INPP4B: variants seen among roughly 807,000 people sequenced by gnomAD.
INPP4B encodes the protein inositol polyphosphate-4-phosphatase type II B.
Under a neutral mutation model 122.5 loss-of-function variants are expected in INPP4B, and 55 were observed. The observed-to-expected ratio is 0.45, with a 90% CI of 0.36 to 0.56. The LOEUF is 0.56. Among genes scored for constraint, INPP4B ranks in the 20% least tolerant of loss-of-function variants. INPP4B has a pLI of 0.00. For synonymous variants in INPP4B, 403 were observed against 388.7 expected, an observed-to-expected ratio of 1.04 and a Z score of -0.43; for missense variants, 1,000 against 1,097.7, an observed-to-expected ratio of 0.91 and a Z score of 1.26.
At chr4:142,179,425 A>G (rs978559800) in intron 15 of INPP4B, among the ~76,000 whole-genome samples, 1 of 144,232 alleles carries the variant, frequency 6.9e-6, no homozygotes, top group African/African-American at 2.6e-5. Flanking sequence ...GTGAGCCAAG[A>G]TCGCCCCACT....
intron 5 of INPP4B, among the ~76,000 whole-genome samples, chr4:142,415,253 G>A (rs966259131): frequency 6.6e-6 from 1 of 152,156 alleles, no homozygotes; most frequent in Non-Finnish European, 1.5e-5. Flanking sequence ...GATGAGGCCA[G>A]TGTAGCTGGT....
chr4:142,463,570 G>A (rs1411284416), intron 2 of INPP4B, among the ~76,000 whole-genome samples: 1 of 152,072 alleles, frequency 6.6e-6, no homozygotes, highest in East Asian at 1.9e-4. Context: ...CAGCTTTTCT[G>A]TATCTTAGAT....
At chr4:142,253,495 G>A (rs1392024117) in intron 11 of INPP4B, among the ~76,000 whole-genome samples, 8 of 152,084 alleles carry the variant, frequency 5.3e-5, no homozygotes, top group Admixed American at 2.0e-4. Flanking sequence ...CAGTGGGTGC[G>A]CGCACCATGT....
chr4:142,071,568 A>C lies in INPP4B; in HGVS notation c.2642+10463T>G, dbSNP rs192518441. 5.4e-4 allele frequency among the ~76,000 whole-genome samples: 82 copies of C among 152,316 alleles called. No homozygotes were observed. The East Asian group carries it at 9.9e-3, about 18-fold the overall frequency. On this transcript the variant is annotated intron_variant, in intron 25 of 25. Coordinates refer to ENST00000262992, the MANE Select transcript of INPP4B (RefSeq NM_001101669.3). ...ACAGGCAACCTACAGAATGGGAGAA[A>C]ATTTTTACAATCTACCCATCTGACA...
intron 25 of INPP4B, among the ~76,000 whole-genome samples, chr4:142,049,730 T>TA (rs1353839698): frequency 6.6e-6 from 1 of 151,972 alleles, no homozygotes; most frequent in Non-Finnish European, 1.5e-5. Context: ...ATATAAGAAA[T>TA]AAAACTAACC....
Position 142,028,901 on chromosome 4 carries a change from T to C in INPP4B, c.2656A>G (p.Ile886Val), listed in dbSNP as rs868236039. Residue 886 changes from isoleucine to valine, a missense_variant, in exon 26 of 26, where the codon ATA becomes GTA. Coordinates refer to ENST00000262992, the MANE Select transcript of INPP4B (RefSeq NM_001101669.3). Reference sequence around the variant, plus strand: ...TTGATATTCTTCAGTACATTCTCTATGCGGCATCCTTCTCTGGTGAAAGGG... The same window carrying C: ...TTGATATTCTTCAGTACATTCTCTACGCGGCATCCTTCTCTGGTGAAAGGG... ...LDCMRREGCR[I>V]ENVLKNIKCR... The C allele has an allele frequency of 1.6e-5, 25 of 1,611,210 alleles. No homozygotes were observed. Among genetic ancestry groups the C allele is most frequent in the African/African-American group, 4.0e-5 (3 of 74,852 alleles).
At chr4:142,051,046 C>T (rs1165339389) in intron 25 of INPP4B, among the ~76,000 whole-genome samples, 1 of 151,880 alleles carries the variant, frequency 6.6e-6, no homozygotes, top group Non-Finnish European at 1.5e-5. Context: ...AAATTGCTAC[C>T]TGATTGAGTA....
At chr4:142,843,836 T>C (rs1223612196) in intron 1 of INPP4B, among the ~76,000 whole-genome samples, 1 of 152,088 alleles carries the variant, frequency 6.6e-6, no homozygotes, top group East Asian at 1.9e-4. Flanking sequence ...CTCAAGGTAG[T>C]GAAAGTTAAC....
At chr4:142,261,913 T>C (rs1464663005) in intron 10 of INPP4B, among the ~76,000 whole-genome samples, 2 of 152,198 alleles carry the variant, frequency 1.3e-5, no homozygotes, top group Non-Finnish European at 2.9e-5. Context: ...GAGGTCCTAG[T>C]TGACTGAAAG....
At chr4:142,240,921 G>A (rs148073094) in intron 11 of INPP4B, among the ~76,000 whole-genome samples, 56 of 152,000 alleles carry the variant, frequency 3.7e-4, no homozygotes, top group Non-Finnish European at 6.6e-4. Context: ...TTTTGTTATC[G>A]CACATAAAAG....
chr4:142,575,232 A>G (rs1438521615), intron 2 of INPP4B, among the ~76,000 whole-genome samples: 1 of 152,074 alleles, frequency 6.6e-6, no homozygotes, highest in Non-Finnish European at 1.5e-5. Flanking sequence ...AAAGGAAAAA[A>G]GAAAAAAAAA....
chr4:142,557,008 A>AAAGCTGC (rs1729349747), intron 2 of INPP4B, among the ~76,000 whole-genome samples: 1 of 152,172 alleles, frequency 6.6e-6, no homozygotes, highest in African/African-American at 2.4e-5. Flanking sequence ...TGTCGTGACC[A>AAAGCTGC]CCGGAGGACC....
At chr4:142,413,321 A>G (rs1805000180) in intron 5 of INPP4B, among the ~76,000 whole-genome samples, 2 of 152,332 alleles carry the variant, frequency 1.3e-5, no homozygotes, top group African/African-American at 4.8e-5. Context: ...AGGTCAGCGG[A>G]TAAAAGCAAT....
At chr4:142,433,485 G>C (rs1809775441) in intron 3 of INPP4B, among the ~76,000 whole-genome samples, 1 of 152,034 alleles carries the variant, frequency 6.6e-6, no homozygotes, top group Non-Finnish European at 1.5e-5. Context: ...GGTAGTTATA[G>C]TTCAGTTATA....
chr4:142,262,694 G>C (rs1740678674), intron 10 of INPP4B, among the ~76,000 whole-genome samples: 1 of 152,090 alleles, frequency 6.6e-6, no homozygotes, highest in Non-Finnish European at 1.5e-5. Context: ...TTAGAACTTA[G>C]TAGGTGATAT....
intron 7 of INPP4B, among the ~76,000 whole-genome samples, chr4:142,379,070 C>T (rs939083488): frequency 1.3e-5 from 2 of 152,186 alleles, no homozygotes; most frequent in East Asian, 1.9e-4. Context: ...TTCCAAAATG[C>T]CGATATAACT....
intron 3 of INPP4B, among the ~76,000 whole-genome samples, chr4:142,437,167 T>G (rs1282927402): frequency 6.6e-6 from 1 of 151,746 alleles, no homozygotes; most frequent in Non-Finnish European, 1.5e-5. Context: ...TTTCAGAGAT[T>G]GAAGACTATC....
intron 2 of INPP4B, among the ~76,000 whole-genome samples, chr4:142,512,978 T>C (rs369789940): frequency 6.6e-6 from 1 of 152,236 alleles, no homozygotes; most frequent in Non-Finnish European, 1.5e-5. Flanking sequence ...AATTAAAAAT[T>C]TGACATATAG....
At chr4:142,214,922 ATTAC>A (rs1846455774) in intron 12 of INPP4B, among the ~76,000 whole-genome samples, 1 of 152,192 alleles carries the variant, frequency 6.6e-6, no homozygotes, top group South Asian at 2.1e-4. Context: ...TATGTGTTAT[ATTAC>A]TTATTTTCCT....
Sources: gnomAD v4.1 joint callset for allele counts (sites outside exome capture counted in the v4.1 genomes callset) on GRCh38, gnomAD v4.1.1 for gene constraint, MANE v1.5 for transcripts, NCBI Gene and HGNC (gene_info 2026-07-23, HGNC 2026-07-21) for gene names.